The following RELA variants were observed in gnomAD, a reference collection of about 807,000 sequenced individuals.
The protein encoded by RELA is transcription factor p65.
In RELA, 14 loss-of-function variants were observed where a neutral mutation model predicts 56.7. The observed-to-expected ratio is 0.25, with a 90% CI of 0.16 to 0.39. The LOEUF (loss-of-function observed/expected upper bound fraction) is 0.39, where lower values mean the gene tolerates loss of function less well. Ranked by LOEUF, RELA falls within the 10% of genes least tolerant of loss-of-function variation. The pLI is 1.00. For missense variants in RELA, 559 were observed against 736.4 expected, an observed-to-expected ratio of 0.76 and a Z score of 2.79; for synonymous variants, 315 against 289.7, an observed-to-expected ratio of 1.09 and a Z score of -0.89.
chr11:65,662,116 G>C lies in RELA; in HGVS notation c.35-28C>G, dbSNP rs950347315. The C allele has an allele frequency of 1.9e-6, 3 of 1,603,582 alleles. No homozygotes were observed. In the South Asian group the frequency reaches 3.3e-5, roughly 18 times the overall value. ...GCCAGGGGACACCGCAGCCCCATTA[G>C]GCGGCTGCCCCCACTGCCCTACCCC... On this transcript the variant is annotated intron_variant, in intron 2 of 10. Transcript: ENST00000406246.
rs1856350159 is a variant in RELA, at chr11:65,654,073, G to A, written c.*305C>T. On this transcript the variant is annotated 3_prime_UTR_variant, in exon 11 of 11. Coordinates refer to ENST00000406246, the MANE Select transcript of RELA (RefSeq NM_021975.4). ...TCTAGGAGAGTACCAGAAGCTGGAG[G>A]ATGGGGATGGGGGACCCCAGAGTTC... 4 of 437,696 alleles carry A rather than the reference G, an allele frequency of 9.1e-6. No individual in the cohort carries two copies. The highest frequency in any genetic ancestry group is 1.7e-5 in the Non-Finnish European group (4 of 237,270). 27.1% of individuals were successfully genotyped at this position (437,696 alleles called of 1,614,324 possible).
chr11:65,659,304 G>A (rs747153608), intron 6 of RELA, among the ~76,000 whole-genome samples: 1 of 152,186 alleles, frequency 6.6e-6, no homozygotes, highest in Non-Finnish European at 1.5e-5. Flanking sequence ...CAATTCATCT[G>A]TGGGCTTCCA....
rs773219144 is a variant in RELA, at chr11:65,658,547, T to C, written c.665-48A>G. On this transcript the variant is annotated intron_variant, in intron 7 of 10. Coordinates refer to ENST00000406246, the MANE Select transcript of RELA (RefSeq NM_021975.4). This position sits in a 1 kb window ranked among gnomAD's most constrained non-coding sequence, Gnocchi z 4.5. Reference sequence around the variant, plus strand: ...GTGGGTCAGTGTGTCTAACCCTCCATGGTCTCCCCCTCAACTTCTGATGCT... The same window carrying C: ...GTGGGTCAGTGTGTCTAACCCTCCACGGTCTCCCCCTCAACTTCTGATGCT... 1.4e-5 allele frequency: 21 copies of C among 1,503,490 alleles called. No homozygotes were observed. The South Asian group carries it at 1.8e-4, about 13-fold the overall frequency. The allele number at this position is 1,503,490 out of a possible 1,614,324, so 93.1% of individuals were successfully genotyped here. A position where few individuals can be genotyped will look rare whatever the true frequency, so the allele number is the denominator to read the frequency against.
Position 65,654,903 on chromosome 11 carries a change from C to G in RELA, c.1131G>C (p.Ser377=), listed in dbSNP as rs7116571. ...VFPSGQISQA[S]ALAPAPPQVL... ...CTTGGGGAGGGGCCGGGGCCAAGGCCGAGGCCTGGCTGATCTGCCCAGAAG... is the reference window on the plus strand; with the variant it reads ...CTTGGGGAGGGGCCGGGGCCAAGGCGGAGGCCTGGCTGATCTGCCCAGAAG... The change falls in exon 11 of 11, where the codon TCG becomes TCC. Residue 377 remains serine (S), a synonymous_variant. Transcript: ENST00000406246. 6.3e-6 allele frequency: 10 copies of G among 1,591,838 alleles called. No homozygotes were observed.
rs756071792 is a variant in RELA, at chr11:65,655,004, G to A, written c.1034-4C>T. On this transcript the variant is annotated splice_region_variant and splice_polypyrimidine_tract_variant and intron_variant, in intron 10 of 10. Transcript: ENST00000406246. Reference sequence around the variant, plus strand: ...GTAAAGGGATAGGGCTGGGGTGCTGGAGGAGAGAGACAGAGAGGCAGGGGT... The same window carrying A: ...GTAAAGGGATAGGGCTGGGGTGCTGAAGGAGAGAGACAGAGAGGCAGGGGT... The A allele has an allele frequency of 5.0e-6, 8 of 1,591,608 alleles. No homozygotes were observed. In the East Asian group the frequency reaches 1.6e-4, roughly 31 times the overall value.
At chr11:65,657,919 C>T (rs1856471613) in intron 8 of RELA, among the ~76,000 whole-genome samples, 2 of 152,200 alleles carry the variant, frequency 1.3e-5, no homozygotes, top group Admixed American at 1.3e-4. Context: ...AGTGACAAGA[C>T]AACCAGTGTG....
upstream of RELA, among the ~76,000 whole-genome samples, chr11:65,663,608 G>C (rs1344293276): frequency 6.6e-6 from 1 of 152,184 alleles, no homozygotes; most frequent in Non-Finnish European, 1.5e-5. Context: ...GGCTCTCATC[G>C]GCTGTGGGAG....
intron 4 of RELA, 112 bp from the exon 5 acceptor site, chr11:65,660,327 T>A: frequency 2.2e-6 from 2 of 926,164 alleles, no homozygotes; most frequent in Non-Finnish European, 3.4e-6. Context: ...GCTCCATGCC[T>A]AACCCTCTCC....
At chr11:65,659,856 TG>T in intron 5 of RELA, 59 bp from the exon 6 acceptor site, 1 of 1,557,532 alleles carries the variant, frequency 6.4e-7, no homozygotes. Flanking sequence ...GTGCTATCAG[TG>T]GGGGCAGGGA....
chr11:65,662,410 CCTT>C (rs1424610879), intron 1 of RELA: 78 of 575,242 alleles, frequency 1.4e-4, no homozygotes, highest in South Asian at 1.8e-4. Flanking sequence ...GGTAAGGAAT[CCTT>C]CTTCTCCAGA....
chr11:65,662,239 C>A, intron 1 of RELA, 34 bp from the exon 2 acceptor site: 2 of 1,515,726 alleles, frequency 1.3e-6, no homozygotes, highest in South Asian at 1.3e-5. Context: ...TCAGCACACA[C>A]CCAATGCCCA....
At chr11:65,655,978 T>A (rs776997890) in intron 8 of RELA, 43 bp from the exon 9 acceptor site, 6 of 1,563,804 alleles carry the variant, frequency 3.8e-6, no homozygotes, top group Admixed American at 1.7e-5. Context: ...TCTCCTCAGG[T>A]GGGTCCCCGA....
chr11:65,659,008 C>A (rs1269435791), intron 6 of RELA, among the ~76,000 whole-genome samples, 186 bp from the exon 7 acceptor site: 1 of 152,158 alleles, frequency 6.6e-6, no homozygotes, highest in African/African-American at 2.4e-5. Context: ...CAAGTATTTG[C>A]CTACTGTGCA....
intron 8 of RELA, among the ~76,000 whole-genome samples, chr11:65,656,720 A>T (rs1856438913): frequency 6.6e-6 from 1 of 152,202 alleles, no homozygotes; most frequent in Admixed American, 6.5e-5. Flanking sequence ...GGACACAATC[A>T]TATATACAAA....
chr11:65,656,196 A>C (rs1472617176), intron 8 of RELA, among the ~76,000 whole-genome samples: 1 of 152,186 alleles, frequency 6.6e-6, no homozygotes, highest in African/African-American at 2.4e-5. Flanking sequence ...GGCAAAGAGG[A>C]GACCTGGGGG....
At chr11:65,663,823 C>A (rs1235664177), upstream of RELA, among the ~76,000 whole-genome samples, 1 of 152,082 alleles carries the variant, frequency 6.6e-6, no homozygotes, top group Non-Finnish European at 1.5e-5. Context: ...GTAGCTCCCC[C>A]AAGACCAAGC....
intron 6 of RELA, 75 bp downstream of exon 6, chr11:65,659,591 G>T: frequency 6.3e-7 from 1 of 1,578,180 alleles, no homozygotes; most frequent in Non-Finnish European, 8.6e-7. Flanking sequence ...CCTCTTGCAG[G>T]CCACACTCAC....
rs1205503040 is a variant in RELA at position 65,653,601 on chromosome 11, C to G, written c.*777G>C. ...TTGCTGAAAAAAAGCGGATCTCTAG[C>G]CAGCTTGGCAACAGATTTATTAGTT... is the stretch of plus-strand genomic sequence containing the variant. On this transcript the variant is annotated 3_prime_UTR_variant, in exon 11 of 11. Coordinates refer to ENST00000406246, the MANE Select transcript of RELA (RefSeq NM_021975.4). 3 of 152,346 alleles carry G rather than the reference C, an allele frequency of 2.0e-5. No individual in the cohort carries two copies. The highest frequency in any genetic ancestry group is 2.9e-5 in the Non-Finnish European group (2 of 68,092). 9.4% of individuals were successfully genotyped at this position (152,346 alleles called of 1,614,324 possible). A position where few individuals can be genotyped will look rare whatever the true frequency, so the allele number is the denominator to read the frequency against.
intron 5 of RELA, 158 bp downstream of exon 5, chr11:65,659,966 C>T: frequency 3.5e-6 from 4 of 1,145,246 alleles, no homozygotes; most frequent in Non-Finnish European, 5.1e-6. Flanking sequence ...TGTCATGTCC[C>T]CTCCTGGGAC....
Sources: gnomAD v4.1 joint callset for allele counts (sites outside exome capture counted in the v4.1 genomes callset) on GRCh38, gnomAD v4.1.1 for gene constraint, Gnocchi (gnomAD v3.1) non-coding constraint, MANE v1.5 for transcripts, NCBI Gene and HGNC (gene_info 2026-07-23, HGNC 2026-07-21) for gene names.